The following DPP10 variants were observed in gnomAD, a reference collection of about 807,000 sequenced individuals.
DPP10 encodes the protein inactive dipeptidyl peptidase 10.
In DPP10, 33 loss-of-function variants were observed where a neutral mutation model predicts 120.9. That is an observed-to-expected ratio of 0.27 (90% CI 0.21 to 0.37). The LOEUF is 0.37. Among genes scored for constraint, DPP10 ranks in the 10% least tolerant of loss-of-function variants. DPP10 has a pLI of 1.00. For synonymous variants in DPP10, 337 were observed against 326.1 expected (o/e 1.03, Z -0.36); for missense variants, 816 against 942.8 (o/e 0.87, Z 1.76).
At chr2:114,682,561 C>A (rs561779527) in intron 1 of DPP10, among the ~76,000 whole-genome samples, 1 of 147,838 alleles carries the variant, frequency 6.8e-6, no homozygotes, top group Non-Finnish European at 1.5e-5. Context: ...AAATTGCAAT[C>A]GATGGGTAAT....
chr2:115,523,059 G>A (rs956872134), intron 4 of DPP10, among the ~76,000 whole-genome samples: 6 of 151,988 alleles, frequency 3.9e-5, no homozygotes, highest in Admixed American at 1.3e-4. Context: ...TTTCTTATTC[G>A]TGTATCATCA....
intron 1 of DPP10, among the ~76,000 whole-genome samples, chr2:114,821,407 T>TAAAA (rs1200299772): frequency 6.7e-6 from 1 of 148,754 alleles, no homozygotes; most frequent in Non-Finnish European, 1.5e-5. Context: ...TGCCAGGCTC[T>TAAAA]AAAAGTGGGG....
intron 1 of DPP10, among the ~76,000 whole-genome samples, chr2:115,032,149 T>G (rs1364697160): frequency 1.3e-5 from 2 of 151,438 alleles, no homozygotes; most frequent in African/African-American, 4.8e-5. Context: ...GAAAATATCC[T>G]GGAATCCATT....
chr2:114,681,221 C>T (rs571161151), intron 1 of DPP10, among the ~76,000 whole-genome samples: 1 of 151,960 alleles, frequency 6.6e-6, no homozygotes, highest in Non-Finnish European at 1.5e-5. Flanking sequence ...TAAACACCAT[C>T]ATGCCATACA....
chr2:114,999,377 T>A (rs980421029), intron 1 of DPP10, among the ~76,000 whole-genome samples: 11 of 152,142 alleles, frequency 7.2e-5, no homozygotes, highest in African/African-American at 1.9e-4. Context: ...TAATCTCAAA[T>A]CCATTCCTCA....
intron 1 of DPP10, among the ~76,000 whole-genome samples, chr2:114,980,925 C>T (rs1201989664): frequency 6.6e-6 from 1 of 151,502 alleles, no homozygotes; most frequent in African/African-American, 2.4e-5. Context: ...ATATAGTATA[C>T]CTATTCTTTT....
At chr2:115,538,473 G>A (rs1034229656) in intron 5 of DPP10, among the ~76,000 whole-genome samples, 12 of 151,944 alleles carry the variant, frequency 7.9e-5, no homozygotes, top group Admixed American at 5.9e-4. Flanking sequence ...TTTTGAATGA[G>A]CAAGGTAGAA....
intron 1 of DPP10, chr2:114,461,852 A>G (rs762253107): frequency 9.1e-6 from 9 of 985,312 alleles, no homozygotes; most frequent in African/African-American, 3.5e-5. Context: ...ACCTTTAGCT[A>G]TAAGAAGAAT....
chr2:115,590,517 G>T (rs867446120), intron 5 of DPP10, among the ~76,000 whole-genome samples: 2 of 152,044 alleles, frequency 1.3e-5, no homozygotes, highest in African/African-American at 2.4e-5. Flanking sequence ...TTATAGCTGC[G>T]TAGTATTCCA....
At chr2:114,850,091 G>A (rs1225630943) in intron 1 of DPP10, among the ~76,000 whole-genome samples, 1 of 126,232 alleles carries the variant, frequency 7.9e-6, no homozygotes, top group Non-Finnish European at 1.6e-5. Context: ...TCTCTATGTT[G>A]CCCAGGCTGG....
intron 3 of DPP10, among the ~76,000 whole-genome samples, chr2:115,382,484 G>C (rs1228209006): frequency 2.6e-5 from 4 of 152,104 alleles, no homozygotes; most frequent in African/African-American, 9.7e-5. Context: ...GATGAACCTG[G>C]TACCTCAGAT....
chr2:114,790,135 G>A (rs1683116461), intron 1 of DPP10, among the ~76,000 whole-genome samples: 1 of 152,166 alleles, frequency 6.6e-6, no homozygotes, highest in South Asian at 2.1e-4. Context: ...TGCAAGAAAA[G>A]GAAGAGAAAA....
intron 8 of DPP10, among the ~76,000 whole-genome samples, chr2:115,731,246 T>G (rs1365654515): frequency 6.6e-6 from 1 of 152,004 alleles, no homozygotes; most frequent in East Asian, 1.9e-4. Flanking sequence ...TAATCCCAGC[T>G]ACTCGGGAGG....
intron 1 of DPP10, among the ~76,000 whole-genome samples, chr2:115,197,935 G>A (rs2055405185): frequency 6.6e-6 from 1 of 152,136 alleles, no homozygotes; most frequent in African/African-American, 2.4e-5. Context: ...GTAATTTGTA[G>A]TGTATCTCTG....
At chr2:114,904,547 T>G (rs1693820292) in intron 1 of DPP10, among the ~76,000 whole-genome samples, 4 of 152,204 alleles carry the variant, frequency 2.6e-5, no homozygotes, top group Admixed American at 2.6e-4. Flanking sequence ...CTTGAAGATT[T>G]GGAAATTCTC....
At chr2:115,217,700 T>C (rs1323497208) in intron 1 of DPP10, among the ~76,000 whole-genome samples, 3 of 152,224 alleles carry the variant, frequency 2.0e-5, no homozygotes, top group Admixed American at 2.0e-4. Flanking sequence ...AATTAAGCTT[T>C]TTGGAAAATC....
chr2:114,977,813 G>A (rs528851284), intron 1 of DPP10, among the ~76,000 whole-genome samples: 39 of 150,736 alleles, frequency 2.6e-4, no homozygotes, highest in Non-Finnish European at 4.7e-4. Context: ...TTCTTTCCTC[G>A]ATACTGTTGT....
intron 1 of DPP10, among the ~76,000 whole-genome samples, chr2:115,102,988 A>G (rs2048767325): frequency 6.6e-6 from 1 of 152,182 alleles, no homozygotes; most frequent in Non-Finnish European, 1.5e-5. Context: ...GAATCTTCCT[A>G]TAGTTCTTGT....
chr2:114,808,395 A>G (rs1684912504), intron 1 of DPP10, among the ~76,000 whole-genome samples: 1 of 152,318 alleles, frequency 6.6e-6, no homozygotes, highest in Non-Finnish European at 1.5e-5. Context: ...ACATAGGAAT[A>G]TAATTGCTAA....
Sources: gnomAD v4.1 joint callset for allele counts (sites outside exome capture counted in the v4.1 genomes callset) on GRCh38, gnomAD v4.1.1 for gene constraint, MANE v1.5 for transcripts, NCBI Gene and HGNC (gene_info 2026-07-23, HGNC 2026-07-21) for gene names.